The following KCNK13 variants were observed in gnomAD, a reference collection of about 807,000 sequenced individuals.
KCNK13 encodes potassium channel subfamily K member 13.
A neutral mutation model predicts 23.4 loss-of-function variants in KCNK13; 12 were observed. That is an observed-to-expected ratio of 0.51 (90% CI 0.33 to 0.83). The LOEUF is 0.83. Ranked by LOEUF, KCNK13 falls within the 40% of genes least tolerant of loss-of-function variation. The pLI, the probability that KCNK13 is intolerant of heterozygous loss-of-function variation, is 0.02. For missense variants in KCNK13, 463 were observed against 556.3 expected, an observed-to-expected ratio of 0.83 and a Z score of 1.69; for synonymous variants, 231 against 229.5, an observed-to-expected ratio of 1.01 and a Z score of -0.06.
intron 1 of KCNK13, among the ~76,000 whole-genome samples, chr14:90,157,888 A>T (rs962606904): frequency 6.7e-6 from 1 of 149,038 alleles, no homozygotes; most frequent in Non-Finnish European, 1.5e-5. Context: ...TTTAGTAGAG[A>T]TGGGGTTTTG....
chr14:90,122,252 G>C (rs1465884533), intron 1 of KCNK13, among the ~76,000 whole-genome samples: 1 of 151,704 alleles, frequency 6.6e-6, no homozygotes, highest in African/African-American at 2.4e-5. Context: ...CTTTTCCTCA[G>C]AAGTGAGTAA....
chr14:90,087,133 T>TATATATATATACATATATATATAC (rs1889286635), intron 1 of KCNK13, among the ~76,000 whole-genome samples: 1 of 103,286 alleles, frequency 9.7e-6, no homozygotes, highest in East Asian at 3.1e-4. Context: ...TATATACATA[T>TATATATATATACATATATATATAC]ATATATATAT....
At chr14:90,135,575 C>A (rs762685750) in intron 1 of KCNK13, among the ~76,000 whole-genome samples, 2 of 152,090 alleles carry the variant, frequency 1.3e-5, no homozygotes, top group Non-Finnish European at 2.9e-5. Context: ...TTCACAGGCC[C>A]GTGGACAGAC....
At chr14:90,144,021 C>G (rs1454346338) in intron 1 of KCNK13, among the ~76,000 whole-genome samples, 1 of 152,174 alleles carries the variant, frequency 6.6e-6, no homozygotes, top group Non-Finnish European at 1.5e-5. Context: ...TAACATTGTT[C>G]TTTTTCAAAG....
At chr14:90,082,228 A>ATT (rs200927063) in intron 1 of KCNK13, among the ~76,000 whole-genome samples, 21 of 142,674 alleles carry the variant, frequency 1.5e-4, no homozygotes, top group East Asian at 4.1e-4. Context: ...CACCCAGCTA[A>ATT]TTTTTTTTTT....
chr14:90,062,664 A>G lies in KCNK13; in HGVS notation c.334+125A>G. 1 of 679,406 alleles carries G rather than the reference A, an allele frequency of 1.5e-6. No homozygotes were observed. The highest frequency in any genetic ancestry group is 2.3e-6 in the Non-Finnish European group (1 of 428,232). The allele number at this position is 679,406 out of a possible 1,614,324, so 42.1% of individuals were successfully genotyped here. A position where few individuals can be genotyped will look rare whatever the true frequency, so the allele number is the denominator to read the frequency against. On this transcript the variant is annotated intron_variant, in intron 1 of 1. Transcript: ENST00000282146. This position sits in a 1 kb window ranked among gnomAD's most constrained non-coding sequence, Gnocchi z 4.5. The stretch of plus-strand genomic sequence containing the variant: ...CGCCCAGCCAGACTCCACTGACATG[A>G]GCTGTCGCCTGATCAACAGGTGGTA...
chr14:90,166,419 T>C (rs941617845), intron 1 of KCNK13, among the ~76,000 whole-genome samples: 3 of 152,192 alleles, frequency 2.0e-5, no homozygotes, highest in African/African-American at 7.2e-5. Flanking sequence ...AAATTTTCTT[T>C]GGGTTGCCGG....
intron 1 of KCNK13, among the ~76,000 whole-genome samples, chr14:90,165,619 A>T (rs989228888): frequency 3.3e-5 from 5 of 152,208 alleles, no homozygotes; most frequent in Admixed American, 3.3e-4. Context: ...GAGGGAGGGC[A>T]ATTTAGTTCA....
At chr14:90,162,330 G>A (rs1310197114) in intron 1 of KCNK13, among the ~76,000 whole-genome samples, 1 of 152,192 alleles carries the variant, frequency 6.6e-6, no homozygotes, top group East Asian at 1.9e-4. Context: ...TCGGGAGAGT[G>A]GAGAAAGAAT....
At chr14:90,173,531 G>T (rs1031729280) in intron 1 of KCNK13, among the ~76,000 whole-genome samples, 1 of 152,024 alleles carries the variant, frequency 6.6e-6, no homozygotes, top group African/African-American at 2.4e-5. Flanking sequence ...AAATGTTATC[G>T]AACTGAACTG....
chr14:90,074,815 T>C (rs1206099443), intron 1 of KCNK13, among the ~76,000 whole-genome samples: 1 of 152,218 alleles, frequency 6.6e-6, no homozygotes, highest in African/African-American at 2.4e-5. Flanking sequence ...TTCAGTGCTA[T>C]TGCTTTTATC....
At chr14:90,102,201 A>G (rs1370273065) in intron 1 of KCNK13, among the ~76,000 whole-genome samples, 1 of 152,148 alleles carries the variant, frequency 6.6e-6, no homozygotes, top group Non-Finnish European at 1.5e-5. Flanking sequence ...AAAATTTTTA[A>G]AAAGAAATCC....
intron 1 of KCNK13, among the ~76,000 whole-genome samples, chr14:90,155,881 C>T (rs533273999): frequency 2.0e-4 from 30 of 152,098 alleles, no homozygotes; most frequent in African/African-American, 6.7e-4. Context: ...GTATGGAGTT[C>T]GGCAGAATGA....
chr14:90,143,146 ACTTTCTTT>A (rs577709163), intron 1 of KCNK13, among the ~76,000 whole-genome samples: 1,514 of 115,780 alleles, frequency 0.013, 32 homozygotes, highest in African/African-American at 0.045. Flanking sequence ...AAGAGCAGAA[ACTTTCTTT>A]CTTTCTTTCT....
intron 1 of KCNK13, among the ~76,000 whole-genome samples, chr14:90,109,072 G>T (rs1690173315): frequency 6.6e-6 from 1 of 151,866 alleles, no homozygotes; most frequent in Non-Finnish European, 1.5e-5. Flanking sequence ...AGCTACTCGG[G>T]AGGCTGAGGC....
At chr14:90,163,925 C>G (rs1408379158) in intron 1 of KCNK13, among the ~76,000 whole-genome samples, 1 of 152,184 alleles carries the variant, frequency 6.6e-6, no homozygotes, top group Non-Finnish European at 1.5e-5. Context: ...CTGCTGACCT[C>G]AAGTGATCCT....
At position 90,062,271 on chromosome 14, in the gene KCNK13, G is replaced by A; in HGVS notation, c.66G>A (p.Leu22=). 6.4e-7 allele frequency: 1 copy of A among 1,560,136 alleles called. No individual in the cohort carries two copies. The highest frequency in any genetic ancestry group is 1.4e-5 in the African/African-American group (1 of 72,176). ...ACGAGGACAACGCGCGCTTTCTGCTGCTGGCCGCGCTCATCGTGCTCTACC... is the reference window on the plus strand; with the variant it reads ...ACGAGGACAACGCGCGCTTTCTGCTACTGGCCGCGCTCATCGTGCTCTACC... ...HLNEDNARFL[L]LAALIVLYLL... is the part of the protein sequence containing the mutation. Residue 22 remains leucine, a synonymous_variant, in exon 1 of 2, where the codon CTG becomes CTA. Coordinates refer to ENST00000282146, the MANE Select transcript of KCNK13 (RefSeq NM_022054.4). The surrounding 1 kb of genome is among the most constrained non-coding windows in gnomAD (Gnocchi z 4.5).
At chr14:90,152,561 G>T (rs1455163676) in intron 1 of KCNK13, among the ~76,000 whole-genome samples, 3 of 151,966 alleles carry the variant, frequency 2.0e-5, no homozygotes, top group African/African-American at 4.8e-5. Context: ...GCATGCCTTT[G>T]CTCCTCCTTT....
rs1225859483 is a variant in KCNK13, at chr14:90,062,327, T to C, written c.122T>C (p.Leu41Pro). ...GGCGGCGCCGCCGTCTTCTCCGCGC[T>C]GGAGCTGGCGCACGAGCGCCAGGCC... ...LLGGAAVFSA[L>P]ELAHERQAKQ... The change falls in exon 1 of 2, where the codon CTG (leucine) becomes CCG (proline). Residue 41 changes from leucine to proline, a missense_variant. Leu to Pro is a moderately conservative substitution (Grantham distance 98, BLOSUM62 -3). Transcript: ENST00000282146. This position sits in a 1 kb window ranked among gnomAD's most constrained non-coding sequence, Gnocchi z 4.5. 3.2e-6 allele frequency: 5 copies of C among 1,554,772 alleles called. No individual in the cohort carries two copies. Among genetic ancestry groups the C allele is most frequent in the Non-Finnish European group, 4.3e-6 (5 of 1,155,774 alleles).
Sources: allele counts gnomAD v4.1 joint callset (sites outside exome capture counted in the v4.1 genomes callset), GRCh38; gene constraint gnomAD v4.1.1; non-coding constraint Gnocchi (gnomAD v3.1); transcripts MANE v1.5; gene names NCBI Gene and HGNC (gene_info 2026-07-23, HGNC 2026-07-21).